Variants in METTL24 observed in about 807,000 individuals in gnomAD.
METTL24 encodes methyltransferase like 24.
Under a neutral mutation model 32.7 loss-of-function variants are expected in METTL24, and 29 were observed. The ratio of observed to expected loss-of-function variants is 0.89; its 90% CI spans 0.66 to 1.21. The LOEUF (loss-of-function observed/expected upper bound fraction) is 1.21. METTL24 is among the 50% of genes most tolerant of loss of function. The pLI is 0.00. For synonymous variants in METTL24, 163 were observed against 179.5 expected (o/e 0.91, Z 0.73); for missense variants, 439 against 468.1 (o/e 0.94, Z 0.57).
chr6:110,340,153 A>G (rs1173665719), intron 1 of METTL24, among the ~76,000 whole-genome samples: 2 of 151,874 alleles, frequency 1.3e-5, no homozygotes, highest in Non-Finnish European at 2.9e-5. Flanking sequence ...TTCAAGGTCT[A>G]ACTTAAGGAG....
chr6:110,333,733 C>T (rs528432241), intron 1 of METTL24, among the ~76,000 whole-genome samples: 26 of 152,314 alleles, frequency 1.7e-4, no homozygotes, highest in East Asian at 1.4e-3. Context: ...TAAGCCACCA[C>T]GCCCAGCCTT....
intron 4 of METTL24, among the ~76,000 whole-genome samples, chr6:110,266,802 C>T (rs1045913370): frequency 7.9e-5 from 12 of 152,280 alleles, no homozygotes; most frequent in African/African-American, 2.9e-4. Flanking sequence ...AGCCAAAGGA[C>T]TTTAATGAAA....
intron 1 of METTL24, among the ~76,000 whole-genome samples, chr6:110,330,444 T>C (rs982259047): frequency 6.6e-6 from 1 of 152,126 alleles, no homozygotes; most frequent in African/African-American, 2.4e-5. Flanking sequence ...TCAAAAACCG[T>C]AGGGAACTGG....
At chr6:110,302,512 C>T (rs977235005) in intron 3 of METTL24, among the ~76,000 whole-genome samples, 2 of 105,172 alleles carry the variant, frequency 1.9e-5, no homozygotes, top group East Asian at 3.1e-4. Context: ...TACACATATA[C>T]ACACACATAT....
chr6:110,269,051 AACGTATG>A (rs1291488674), intron 4 of METTL24, among the ~76,000 whole-genome samples: 3 of 152,146 alleles, frequency 2.0e-5, no homozygotes, highest in African/African-American at 7.2e-5. Flanking sequence ...CCAAGAAACA[AACGTATG>A]ACATCCCAAC....
chr6:110,322,452 C>T lies in METTL24; in HGVS notation c.417+322G>A, dbSNP rs972287508. ...TTTGTTTTGTGACATACTCGACTGC[C>T]TACTCACGGGGACCAATCTGTCATT... On this transcript the variant is annotated intron_variant, in intron 2 of 4. Transcript: ENST00000338882. Among the ~76,000 whole-genome samples, 3 of 152,306 alleles carry T rather than the reference C, an allele frequency of 2.0e-5. 1 individual carries two copies. The highest frequency in any genetic ancestry group is 6.5e-5 in the Admixed American group (1 of 15,304).
intron 1 of METTL24, among the ~76,000 whole-genome samples, chr6:110,327,698 A>G (rs1157514760): frequency 6.6e-6 from 1 of 152,224 alleles, no homozygotes; most frequent in Admixed American, 6.5e-5. Context: ...TCTAGTGTAT[A>G]CATCAACATT....
intron 1 of METTL24, among the ~76,000 whole-genome samples, chr6:110,352,610 T>G (rs951701484): frequency 6.8e-6 from 1 of 147,040 alleles, no homozygotes; most frequent in Non-Finnish European, 1.5e-5. Flanking sequence ...TTTTTTTTTA[T>G]CAGAACATAA....
intron 3 of METTL24, among the ~76,000 whole-genome samples, chr6:110,302,367 C>T (rs1415904820): frequency 1.3e-5 from 2 of 151,372 alleles, no homozygotes; most frequent in Non-Finnish European, 1.5e-5. Context: ...TAATTTCTTC[C>T]TCTGAATTGT....
At chr6:110,297,821 G>C (rs1374918750) in intron 4 of METTL24, among the ~76,000 whole-genome samples, 1 of 152,130 alleles carries the variant, frequency 6.6e-6, no homozygotes, top group African/African-American at 2.4e-5. Flanking sequence ...GTTACCCTTG[G>C]TGGCAAAGCA....
chr6:110,284,665 A>G (rs1771190253), intron 4 of METTL24, among the ~76,000 whole-genome samples: 1 of 152,176 alleles, frequency 6.6e-6, no homozygotes, highest in Non-Finnish European at 1.5e-5. Context: ...ATCATGTAGA[A>G]TTACTTTGTT....
chr6:110,273,352 T>A (rs1770990289), intron 4 of METTL24, among the ~76,000 whole-genome samples: 1 of 152,144 alleles, frequency 6.6e-6, no homozygotes. Context: ...TTTCTTGCAA[T>A]GAGATTTGAT....
intron 4 of METTL24, among the ~76,000 whole-genome samples, chr6:110,288,042 A>G (rs1562226413): frequency 6.6e-6 from 1 of 152,236 alleles, no homozygotes; most frequent in Non-Finnish European, 1.5e-5. Context: ...CATGGGAATA[A>G]AAACAATGAA....
chr6:110,256,155 A>C (rs1022072349), intron 4 of METTL24, among the ~76,000 whole-genome samples: 1 of 152,200 alleles, frequency 6.6e-6, no homozygotes, highest in Non-Finnish European at 1.5e-5. Flanking sequence ...ATGTGTGTGC[A>C]CACACATGTG....
rs376894981 is a variant in METTL24, at chr6:110,318,413, C to T, written c.418-2932G>A. 2.0e-5 allele frequency among the ~76,000 whole-genome samples: 3 copies of T among 151,882 alleles called. No homozygotes were observed. In the East Asian group the frequency reaches 5.8e-4, roughly 29 times the overall value. ...CTGTAATCCCAGCACTTTGGGAGGC[C>T]GAGGCAGGCAGATCACACAAGATCA... On this transcript the variant is annotated intron_variant, in intron 2 of 4. Coordinates refer to ENST00000338882, the MANE Select transcript of METTL24 (RefSeq NM_001123364.3).
intron 1 of METTL24, among the ~76,000 whole-genome samples, chr6:110,346,728 C>T (rs1430579920): frequency 6.6e-6 from 1 of 152,186 alleles, no homozygotes; most frequent in Non-Finnish European, 1.5e-5. Flanking sequence ...TGGTCTCGAA[C>T]TCCTGATCTC....
chr6:110,328,248 T>C (rs1032469430), intron 1 of METTL24, among the ~76,000 whole-genome samples: 2 of 147,298 alleles, frequency 1.4e-5, no homozygotes, highest in African/African-American at 5.3e-5. Context: ...TGATTTCCAA[T>C]GTAAGGAAGC....
At chr6:110,246,424 C>G (rs1216308557) in intron 4 of METTL24, among the ~76,000 whole-genome samples, 164 bp from the exon 5 acceptor site, 1 of 152,074 alleles carries the variant, frequency 6.6e-6, no homozygotes, top group Non-Finnish European at 1.5e-5. Flanking sequence ...ATTTCTAACC[C>G]CATTCCCTAC....
intron 4 of METTL24, among the ~76,000 whole-genome samples, chr6:110,252,925 G>C (rs1033392711): frequency 6.6e-6 from 1 of 152,022 alleles, no homozygotes; most frequent in Non-Finnish European, 1.5e-5. Context: ...CACTAGTTTT[G>C]AACAAGAGAC....
Sources: gnomAD v4.1 joint callset for allele counts (sites outside exome capture counted in the v4.1 genomes callset) on GRCh38, gnomAD v4.1.1 for gene constraint, MANE v1.5 for transcripts, NCBI Gene and HGNC (gene_info 2026-07-23, HGNC 2026-07-21) for gene names.